The following KCNQ3 variants were observed in gnomAD, a reference collection of about 807,000 sequenced individuals.
The protein encoded by KCNQ3 is potassium voltage-gated channel subfamily Q member 3.
KCNQ3 carries 30 observed loss-of-function variants against 92.5 expected under a neutral mutation model. The observed-to-expected ratio is 0.32, with a 90% CI of 0.24 to 0.44. The LOEUF (loss-of-function observed/expected upper bound fraction) is 0.44. Ranked by LOEUF, KCNQ3 falls within the 20% of genes least tolerant of loss-of-function variation. The probability of loss-of-function intolerance (pLI) is 1.00; values close to 1 mark genes in which losing one functional copy is unlikely to be tolerated. For synonymous variants in KCNQ3, 450 were observed against 468.8 expected (o/e 0.96, Z 0.52); for missense variants, 913 against 1,140.3 (o/e 0.80, Z 2.87).
chr8:132,388,481 C>T (rs552955964), intron 1 of KCNQ3, among the ~76,000 whole-genome samples: 52 of 151,848 alleles, frequency 3.4e-4, no homozygotes, highest in Non-Finnish European at 7.2e-4. Flanking sequence ...TGATGGAATA[C>T]AAGAAAACTA....
chr8:132,130,090 T>C, intron 14 of KCNQ3, 94 bp from the exon 15 acceptor site: 4 of 1,410,836 alleles, frequency 2.8e-6, no homozygotes, highest in South Asian at 1.2e-5. Context: ...TTTTGTTTTT[T>C]TTTTTTTTTT....
chr8:132,310,955 T>C (rs1246761277), intron 1 of KCNQ3, among the ~76,000 whole-genome samples: 1 of 151,888 alleles, frequency 6.6e-6, no homozygotes, highest in Non-Finnish European at 1.5e-5. Context: ...TTCTTTTTTT[T>C]TTTTGAGATG....
chr8:132,219,865 T>G (rs1327597693), intron 1 of KCNQ3, among the ~76,000 whole-genome samples: 1 of 152,042 alleles, frequency 6.6e-6, no homozygotes, highest in African/African-American at 2.4e-5. Context: ...GAAGTAAGAA[T>G]CCATCTGATC....
intron 1 of KCNQ3, among the ~76,000 whole-genome samples, chr8:132,243,379 G>C (rs981885140): frequency 1.3e-5 from 2 of 152,160 alleles, no homozygotes; most frequent in African/African-American, 4.8e-5. Context: ...GCTTCCTGGA[G>C]GAGGTGACAG....
intron 1 of KCNQ3, among the ~76,000 whole-genome samples, chr8:132,226,224 T>C (rs970218492): frequency 1.3e-5 from 2 of 151,488 alleles, no homozygotes; most frequent in African/African-American, 4.9e-5. Flanking sequence ...TGAGCTGAGA[T>C]TGCACCAGTG....
At chr8:132,163,343 GTGTGACCC>G in intron 9 of KCNQ3, 117 bp downstream of exon 9, 6 of 826,604 alleles carry the variant, frequency 7.3e-6, no homozygotes, top group Non-Finnish European at 1.1e-5. Context: ...GTCAGCAACA[GTGTGACCC>G]CAAAGACTCT....
chr8:132,367,243 C>T (rs1337528947), intron 1 of KCNQ3, among the ~76,000 whole-genome samples: 1 of 151,694 alleles, frequency 6.6e-6, no homozygotes, highest in South Asian at 2.1e-4. Flanking sequence ...CAATGATTTC[C>T]CACATCAGTA....
intron 1 of KCNQ3, among the ~76,000 whole-genome samples, chr8:132,477,010 A>G (rs1025108038): frequency 1.3e-5 from 2 of 152,012 alleles, no homozygotes; most frequent in African/African-American, 2.4e-5. Flanking sequence ...TGGTTGTTTG[A>G]TAAGTGTGTG....
intron 9 of KCNQ3, among the ~76,000 whole-genome samples, chr8:132,149,144 T>C (rs1228418728): frequency 6.6e-6 from 1 of 152,236 alleles, no homozygotes; most frequent in African/African-American, 2.4e-5. Flanking sequence ...TCTAACCAAT[T>C]GACATTTCTA....
intron 6 of KCNQ3, among the ~76,000 whole-genome samples, chr8:132,173,559 G>A (rs150094240): frequency 5.3e-5 from 8 of 152,110 alleles, no homozygotes; most frequent in African/African-American, 1.7e-4. Context: ...ACCCAATTAA[G>A]TCTCGGGTTT....
At chr8:132,392,921 TC>T (rs2130773120) in intron 1 of KCNQ3, among the ~76,000 whole-genome samples, 1 of 151,814 alleles carries the variant, frequency 6.6e-6, no homozygotes, top group Admixed American at 6.5e-5. Context: ...TAAACCTTTT[TC>T]TTTTTTTCTG....
At chr8:132,198,087 CA>C (rs35795320) in intron 1 of KCNQ3, among the ~76,000 whole-genome samples, 1 of 152,142 alleles carries the variant, frequency 6.6e-6, no homozygotes, top group Non-Finnish European at 1.5e-5. Flanking sequence ...GATTAGGTTA[CA>C]AAAAATTTCA....
intron 1 of KCNQ3, among the ~76,000 whole-genome samples, chr8:132,382,426 C>T (rs535053307): frequency 1.6e-4 from 24 of 152,192 alleles, no homozygotes; most frequent in Non-Finnish European, 3.2e-4. Context: ...CTTCCCACTT[C>T]CGCATGAGTA....
At chr8:132,138,125 A>C in intron 11 of KCNQ3, 109 bp from the exon 12 acceptor site, 1 of 1,319,092 alleles carries the variant, frequency 7.6e-7, no homozygotes, top group Non-Finnish European at 1.1e-6. Context: ...CAAAGATAAA[A>C]GAGCTTGCTG....
intron 1 of KCNQ3, among the ~76,000 whole-genome samples, chr8:132,302,074 T>G (rs535605511): frequency 6.6e-6 from 1 of 152,100 alleles, no homozygotes; most frequent in African/African-American, 2.4e-5. Context: ...TGTGAATGGG[T>G]AGAAAGAGCA....
At chr8:132,144,373 G>T (rs755445101) in intron 9 of KCNQ3, among the ~76,000 whole-genome samples, 1 of 152,172 alleles carries the variant, frequency 6.6e-6, no homozygotes, top group Non-Finnish European at 1.5e-5. Context: ...CAAATGCAAG[G>T]CAAAGTTCAC....
intron 1 of KCNQ3, among the ~76,000 whole-genome samples, chr8:132,312,122 G>A (rs184430865): frequency 1.3e-5 from 2 of 152,296 alleles, no homozygotes; most frequent in Admixed American, 1.3e-4. Flanking sequence ...CCTTCAGAAG[G>A]AGCGTGGCTC....
intron 1 of KCNQ3, among the ~76,000 whole-genome samples, chr8:132,325,048 C>A (rs1818003271): frequency 6.6e-6 from 1 of 151,814 alleles, no homozygotes; most frequent in South Asian, 2.1e-4. Context: ...GGCCTCATTC[C>A]CACTGTTTCT....
rs764285990 is a variant in KCNQ3, at chr8:132,175,483, C to G, written c.903G>C (p.Glu301Asp). The G allele has an allele frequency of 6.2e-7, 1 of 1,614,204 alleles. No homozygotes were observed. The highest frequency in any genetic ancestry group is 1.1e-5 in the South Asian group (1 of 91,082). The change falls in exon 5 of 15, where the codon GAG (glutamate) becomes GAC (aspartate). Residue 301 changes from glutamate (E) to aspartate (D), a missense_variant. Glu to Asp is a conservative substitution (Grantham distance 45). This residue lies in a region of KCNQ3 where 21 missense variants were observed against 16.3 expected (regional missense o/e 1.29). Transcript: ENST00000388996. ...AQGEEMKEEFETYADALWWGL... is the reference protein window; with the variant it reads ...AQGEEMKEEFDTYADALWWGL... The stretch of plus-strand genomic sequence containing the variant: ...CCCACCACAGGGCATCTGCATAGGT[C>G]TCAAACTCCTCTTTCATCTCCTCTC...
Sources: allele counts gnomAD v4.1 joint callset (sites outside exome capture counted in the v4.1 genomes callset), GRCh38; gene constraint gnomAD v4.1.1; regional missense constraint gnomAD v4.1.1; transcripts MANE v1.5; gene names NCBI Gene and HGNC (gene_info 2026-07-23, HGNC 2026-07-21).